The following DOK5 variants were observed in gnomAD, a reference collection of about 807,000 sequenced individuals.
The protein encoded by DOK5 is docking protein 5.
DOK5 carries 27 observed loss-of-function variants against 43.3 expected under a neutral mutation model. That is an observed-to-expected ratio of 0.62 (90% CI 0.46 to 0.86). DOK5 has a LOEUF of 0.86. Ranked by LOEUF, DOK5 falls within the 40% of genes least tolerant of loss-of-function variation. DOK5 has a pLI of 0.00. For synonymous variants in DOK5, 146 were observed against 140.1 expected (o/e 1.04, Z -0.30); for missense variants, 373 against 392.9 (o/e 0.95, Z 0.43).
chr20:54,591,619 G>C lies in DOK5; in HGVS notation c.413G>C (p.Arg138Thr). The part of the protein sequence containing the change: ...ATGVEREQSE[R>T]FNVYLMPSPN... Reference sequence around the variant, plus strand: ...TAACCTTTTGTTTTTCTCCCAGAGAGATTCAATGTGTATTTGATGCCATCT... The same window carrying C: ...TAACCTTTTGTTTTTCTCCCAGAGACATTCAATGTGTATTTGATGCCATCT... The change falls in exon 5 of 8, where the codon AGA becomes ACA. Residue 138 changes from arginine to threonine, a missense_variant. Physicochemically the swap from Arg to Thr is moderately conservative, Grantham distance 71. Coordinates refer to ENST00000262593, the MANE Select transcript of DOK5 (RefSeq NM_018431.5). 1 of 1,595,292 alleles carries C rather than the reference G, an allele frequency of 6.3e-7. No individual in the cohort carries two copies. Among genetic ancestry groups the C allele is most frequent in the Non-Finnish European group, 8.5e-7 (1 of 1,170,638 alleles).
intron 1 of DOK5, among the ~76,000 whole-genome samples, chr20:54,545,270 G>A (rs1373866316): frequency 1.3e-5 from 2 of 152,208 alleles, no homozygotes; most frequent in Non-Finnish European, 2.9e-5. Context: ...GGCATTACCT[G>A]TGGGGCAAAC....
chr20:54,540,454 G>A (rs1398469444), intron 1 of DOK5, among the ~76,000 whole-genome samples: 1 of 152,138 alleles, frequency 6.6e-6, no homozygotes, highest in Non-Finnish European at 1.5e-5. Context: ...CACCTAGCTG[G>A]ATGGTATGAA....
At chr20:54,571,948 C>T (rs900729623) in intron 2 of DOK5, among the ~76,000 whole-genome samples, 2 of 152,144 alleles carry the variant, frequency 1.3e-5, no homozygotes, top group East Asian at 3.9e-4. Flanking sequence ...CCTGGAAGCT[C>T]ATCTTTGTTT....
Position 54,623,123 on chromosome 20 carries a change from T to C in DOK5, c.735+12600T>C, listed in dbSNP as rs1987036944. Among the ~76,000 whole-genome samples the C allele has an allele frequency of 2.0e-5, 3 of 152,076 alleles. No homozygotes were observed. In the South Asian group the frequency reaches 6.2e-4, roughly 32 times the overall value. On this transcript the variant is annotated intron_variant, in intron 6 of 7. Transcript: ENST00000262593. ...TCACCCTAAAACAGCGGTTCTCAAT[T>C]AGTGGCAGTTTTATTTCCCAGGAGA... is the stretch of plus-strand genomic sequence containing the variant.
At chr20:54,476,272 A>G in intron 1 of DOK5, 7 of 916,794 alleles carry the variant, frequency 7.6e-6, no homozygotes, top group Non-Finnish European at 9.1e-6. Context: ...CCTGGAGCCC[A>G]TCTACTCGAA....
intron 1 of DOK5, among the ~76,000 whole-genome samples, chr20:54,532,467 G>T (rs1048135296): frequency 6.6e-6 from 1 of 152,168 alleles, no homozygotes; most frequent in Middle Eastern, 3.2e-3. Flanking sequence ...TGGGAAGATT[G>T]TTCCACATAG....
intron 7 of DOK5, among the ~76,000 whole-genome samples, chr20:54,648,645 G>A (rs1287278334): frequency 6.6e-6 from 1 of 152,168 alleles, no homozygotes; most frequent in Admixed American, 6.5e-5. Flanking sequence ...GGTGCCTAAG[G>A]GACATAAAGA....
intron 2 of DOK5, among the ~76,000 whole-genome samples, chr20:54,564,848 A>G (rs1489924281): frequency 6.6e-6 from 1 of 152,148 alleles, no homozygotes; most frequent in South Asian, 2.1e-4. Context: ...ATCAAAGCTC[A>G]TTGCCAATAC....
Position 54,591,603 on chromosome 20 carries a change from GT to G in DOK5, c.410-8del, listed in dbSNP as rs1779424128. On this transcript the variant is annotated splice_polypyrimidine_tract_variant and intron_variant, in intron 4 of 7. Coordinates refer to ENST00000262593, the MANE Select transcript of DOK5 (RefSeq NM_018431.5). ...CCTGGGGATTTTAGACTAACCTTTT[GT>G]TTTTCTCCCAGAGAGATTCAATGTG... is the stretch of plus-strand genomic sequence containing the variant. 1 of 1,554,384 alleles carries G rather than the reference GT, an allele frequency of 6.4e-7. No homozygotes were observed. The highest frequency in any genetic ancestry group is 1.2e-5 in the South Asian group (1 of 82,602).
intron 1 of DOK5, among the ~76,000 whole-genome samples, chr20:54,486,242 C>T (rs944520767): frequency 6.6e-6 from 1 of 152,004 alleles, no homozygotes; most frequent in African/African-American, 2.4e-5. Flanking sequence ...AAAAGGTTGT[C>T]TTTTCTTCAT....
intron 1 of DOK5, among the ~76,000 whole-genome samples, chr20:54,527,749 T>C (rs1185368081): frequency 1.3e-5 from 2 of 152,138 alleles, no homozygotes; most frequent in East Asian, 3.9e-4. Context: ...AGATTTAAGG[T>C]TGGTGTATCC....
intron 2 of DOK5, among the ~76,000 whole-genome samples, chr20:54,567,484 T>C (rs1181881194): frequency 6.6e-6 from 1 of 152,204 alleles, no homozygotes; most frequent in East Asian, 1.9e-4. Context: ...TCAAAAATTA[T>C]TTGGGCATAT....
chr20:54,563,153 C>T (rs1350545672), intron 2 of DOK5, among the ~76,000 whole-genome samples: 1 of 152,164 alleles, frequency 6.6e-6, no homozygotes, highest in African/African-American at 2.4e-5. Context: ...CTCACAGCCT[C>T]CAGTAGGAAC....
chr20:54,558,110 C>T (rs1984775919), intron 2 of DOK5, among the ~76,000 whole-genome samples: 1 of 152,118 alleles, frequency 6.6e-6, no homozygotes, highest in Non-Finnish European at 1.5e-5. Flanking sequence ...GAAATCTGTA[C>T]TTGAGGCATC....
At chr20:54,583,133 G>A (rs1017499747) in intron 2 of DOK5, among the ~76,000 whole-genome samples, 1 of 151,660 alleles carries the variant, frequency 6.6e-6, no homozygotes, top group Non-Finnish European at 1.5e-5. Flanking sequence ...TCTATTGGTT[G>A]TTTAAGATTG....
chr20:54,611,620 T>C (rs1324245718), intron 6 of DOK5, among the ~76,000 whole-genome samples: 1 of 152,162 alleles, frequency 6.6e-6, no homozygotes, highest in Non-Finnish European at 1.5e-5. Context: ...GGAGGGTAAA[T>C]TCATGAAATC....
chr20:54,621,881 T>C (rs6064092), intron 6 of DOK5, among the ~76,000 whole-genome samples: 46,409 of 151,774 alleles, frequency 0.31, 7,939 homozygotes, highest in African/African-American at 0.43. Flanking sequence ...TACTTACTCA[T>C]GAATTCTTTA....
chr20:54,523,207 T>C (rs375594129), intron 1 of DOK5, among the ~76,000 whole-genome samples: 99 of 152,322 alleles, frequency 6.5e-4, no homozygotes, highest in Middle Eastern at 3.4e-3. Context: ...ACCATCAAAC[T>C]TGGCCTCTTT....
At chr20:54,537,182 A>T (rs1305193619) in intron 1 of DOK5, among the ~76,000 whole-genome samples, 1 of 152,202 alleles carries the variant, frequency 6.6e-6, no homozygotes, top group Admixed American at 6.5e-5. Context: ...TTTTCTGGGG[A>T]TTCTGGATTT....
Sources: allele counts gnomAD v4.1 joint callset (sites outside exome capture counted in the v4.1 genomes callset), GRCh38; gene constraint gnomAD v4.1.1; transcripts MANE v1.5; gene names NCBI Gene and HGNC (gene_info 2026-07-23, HGNC 2026-07-21).